Variants in MAGI3 observed in about 807,000 individuals in gnomAD.
MAGI3 encodes the protein membrane-associated guanylate kinase, WW and PDZ domain-containing protein 3.
In MAGI3, 43 loss-of-function variants were observed where a neutral mutation model predicts 121.8. The ratio of observed to expected loss-of-function variants is 0.35; its 90% CI spans 0.28 to 0.46. The LOEUF is 0.46. MAGI3 is among the 20% of genes least tolerant of loss of function. The pLI, the probability that MAGI3 is intolerant of heterozygous loss-of-function variation, is 1.00. For missense variants in MAGI3, 1,547 were observed against 1,797.3 expected, an observed-to-expected ratio of 0.86 and a Z score of 2.52; for synonymous variants, 553 against 639.3, an observed-to-expected ratio of 0.86 and a Z score of 2.04.
intron 1 of MAGI3, among the ~76,000 whole-genome samples, chr1:113,458,012 A>G (rs1272650720): frequency 6.6e-6 from 1 of 152,244 alleles, no homozygotes; most frequent in Non-Finnish European, 1.5e-5. Context: ...GTAATGCTGG[A>G]GAAGTAGCCA....
intron 1 of MAGI3, among the ~76,000 whole-genome samples, chr1:113,456,925 A>G (rs1654789112): frequency 6.6e-6 from 1 of 152,184 alleles, no homozygotes; most frequent in Non-Finnish European, 1.5e-5. Flanking sequence ...GCTTTTGGAA[A>G]AAAGGAGATA....
intron 9 of MAGI3, among the ~76,000 whole-genome samples, chr1:113,624,948 A>C (rs1651126893): frequency 6.6e-6 from 1 of 152,280 alleles, no homozygotes; most frequent in South Asian, 2.1e-4. Context: ...ATTTTCCTAG[A>C]ACCATTGAAG....
intron 7 of MAGI3, among the ~76,000 whole-genome samples, chr1:113,617,852 A>G (rs956899536): frequency 5.3e-5 from 8 of 152,226 alleles, no homozygotes; most frequent in African/African-American, 1.9e-4. Flanking sequence ...CTCAGTGGAC[A>G]GTGTATCCCC....
In MAGI3 at chr1:113,390,961, G is replaced by A. The variant is rs1254524462; in HGVS notation, c.-73G>A. ...GCTGCGCGGGCCGCCCAGGGCCCCC[G>A]GGCTGAGACGGGGCCGGAGCGGCGC... On this transcript the variant is annotated 5_prime_UTR_variant, in exon 1 of 21. Coordinates refer to ENST00000307546, the MANE Select transcript of MAGI3 (RefSeq NM_001142782.2). 23 of 1,363,672 alleles carry A rather than the reference G, an allele frequency of 1.7e-5. No homozygotes were observed. Among genetic ancestry groups the A allele is most frequent in the Non-Finnish European group, 2.2e-5 (23 of 1,051,558 alleles). The allele number at this position is 1,363,672 out of a possible 1,614,324, so 84.5% of individuals were successfully genotyped here. A position where few individuals can be genotyped will look rare whatever the true frequency, so the allele number is the denominator to read the frequency against.
intron 2 of MAGI3, among the ~76,000 whole-genome samples, chr1:113,568,649 A>G (rs1660531886): frequency 6.6e-6 from 1 of 152,128 alleles, no homozygotes; most frequent in Non-Finnish European, 1.5e-5. Flanking sequence ...ACCCAAGCTT[A>G]TATAGACATT....
At chr1:113,534,417 C>T (rs976880301) in intron 1 of MAGI3, among the ~76,000 whole-genome samples, 1 of 152,128 alleles carries the variant, frequency 6.6e-6, no homozygotes, top group Non-Finnish European at 1.5e-5. Context: ...TAATCCCTTG[C>T]GGCCTTGCCT....
At chr1:113,397,651 TATTA>T (rs771778962) in intron 1 of MAGI3, among the ~76,000 whole-genome samples, 1 of 152,218 alleles carries the variant, frequency 6.6e-6, no homozygotes, top group Non-Finnish European at 1.5e-5. Context: ...GGGAAGATCA[TATTA>T]ATTGTTTAAA....
intron 1 of MAGI3, among the ~76,000 whole-genome samples, chr1:113,534,339 C>T (rs1420564647): frequency 6.6e-6 from 1 of 152,172 alleles, no homozygotes; most frequent in Non-Finnish European, 1.5e-5. Flanking sequence ...GAGTAATGCT[C>T]TAATCCTTTA....
At chr1:113,637,964 C>T (rs150132547) in intron 9 of MAGI3, among the ~76,000 whole-genome samples, 3,261 of 152,254 alleles carry the variant, frequency 0.021, 116 homozygotes, top group African/African-American at 0.074. Flanking sequence ...TCCCTTCTCG[C>T]TTCATTTCAT....
At chr1:113,680,703 G>A (rs1215139793) in intron 19 of MAGI3, among the ~76,000 whole-genome samples, 1 of 152,094 alleles carries the variant, frequency 6.6e-6, no homozygotes, top group East Asian at 1.9e-4. Context: ...CTTGCAGTGA[G>A]CCGAGGTCTC....
At chr1:113,452,460 A>G (rs563757766) in intron 1 of MAGI3, among the ~76,000 whole-genome samples, 1 of 58,482 alleles carries the variant, frequency 1.7e-5, no homozygotes, top group African/African-American at 4.1e-5. Flanking sequence ...AGACATACAC[A>G]CACACACACA....
At chr1:113,649,709 G>GAGTAATAT (rs1653050959) in intron 13 of MAGI3, among the ~76,000 whole-genome samples, 1 of 152,130 alleles carries the variant, frequency 6.6e-6, no homozygotes, top group African/African-American at 2.4e-5. Flanking sequence ...TCTTCTGGAT[G>GAGTAATAT]CTCCATAAAT....
intron 1 of MAGI3, among the ~76,000 whole-genome samples, chr1:113,447,292 G>T (rs1654219216): frequency 6.6e-6 from 1 of 152,170 alleles, no homozygotes; most frequent in Non-Finnish European, 1.5e-5. Flanking sequence ...CTGGCATCTG[G>T]CAAGGGCCTT....
At chr1:113,425,594 A>G (rs903972174) in intron 1 of MAGI3, among the ~76,000 whole-genome samples, 1 of 152,024 alleles carries the variant, frequency 6.6e-6, no homozygotes, top group Admixed American at 6.5e-5. Context: ...TACAAATTCA[A>G]TTTTTAAAAT....
At chr1:113,466,750 A>G (rs1214740371) in intron 1 of MAGI3, among the ~76,000 whole-genome samples, 1 of 151,828 alleles carries the variant, frequency 6.6e-6, no homozygotes. Context: ...TAGGTTTTTC[A>G]ATTTGTTGGC....
At chr1:113,526,931 T>G (rs1211102934) in intron 1 of MAGI3, among the ~76,000 whole-genome samples, 1 of 152,176 alleles carries the variant, frequency 6.6e-6, no homozygotes, top group Non-Finnish European at 1.5e-5. Flanking sequence ...TTAGTAGCTT[T>G]GTAAATTTGG....
intron 2 of MAGI3, among the ~76,000 whole-genome samples, chr1:113,564,610 C>T (rs1660364495): frequency 6.6e-6 from 1 of 152,190 alleles, no homozygotes; most frequent in East Asian, 1.9e-4. Flanking sequence ...TGGCTCACAC[C>T]TGTAGTCCCA....
chr1:113,549,648 A>C lies in MAGI3; in HGVS notation c.433+17A>C, dbSNP rs754394770. 1.5e-6 allele frequency: 2 copies of C among 1,354,796 alleles called. No individual in the cohort carries two copies. Among genetic ancestry groups the C allele is most frequent in the East Asian group, 4.6e-5 (2 of 43,074 alleles). 83.9% of individuals were successfully genotyped at this position (1,354,796 alleles called of 1,614,324 possible). ...CCATTCCATGTAAGTATGTGATGGA[A>C]TAAAAGAACTGAAGCAGAAATGTCC... On this transcript the variant is annotated intron_variant, in intron 2 of 20. Coordinates refer to ENST00000307546, the MANE Select transcript of MAGI3 (RefSeq NM_001142782.2).
chr1:113,402,481 A>C (rs976768892), intron 1 of MAGI3, among the ~76,000 whole-genome samples: 1 of 152,166 alleles, frequency 6.6e-6, no homozygotes, highest in Non-Finnish European at 1.5e-5. Context: ...CATTTTTCCT[A>C]TCGGAGATTC....
Sources: gnomAD v4.1 joint callset for allele counts (sites outside exome capture counted in the v4.1 genomes callset) on GRCh38, gnomAD v4.1.1 for gene constraint, MANE v1.5 for transcripts, NCBI Gene and HGNC (gene_info 2026-07-23, HGNC 2026-07-21) for gene names.